Variants in PCDHGA5 observed in about 807,000 individuals in gnomAD.
PCDHGA5 encodes protocadherin gamma subfamily A, 5, also known as protocadherin gamma-A5.
A neutral mutation model predicts 56.7 loss-of-function variants in PCDHGA5; 36 were observed. That is an observed-to-expected ratio of 0.64 (90% CI 0.49 to 0.84). The LOEUF is 0.84. Among genes scored for constraint, PCDHGA5 ranks in the 40% least tolerant of loss-of-function variants. The probability of loss-of-function intolerance (pLI) is 0.00; values close to 1 mark genes in which losing one functional copy is unlikely to be tolerated. For synonymous variants in PCDHGA5, 563 were observed against 520.2 expected, an observed-to-expected ratio of 1.08 and a Z score of -1.12; for missense variants, 1,305 against 1,201.5, an observed-to-expected ratio of 1.09 and a Z score of -1.27.
At chr5:141,398,223 G>C (rs995722310) in intron 1 of PCDHGA5, 1 of 1,482,728 alleles carries the variant, frequency 6.7e-7, no homozygotes, top group South Asian at 1.3e-5. Context: ...TCTGTGAGCA[G>C]ATCCGCTACA....
rs766474451 is a variant in PCDHGA5 at position 141,477,676 on chromosome 5, AT to A, written c.2422-17130del. On this transcript the variant is annotated intron_variant, in intron 1 of 3. Coordinates refer to ENST00000518069, the MANE Select transcript of PCDHGA5 (RefSeq NM_018918.3). This position sits in a 1 kb window ranked among gnomAD's most constrained non-coding sequence, Gnocchi z 4.9. ...TAAATCGTGACAATGGCATAGTGTCATCCTTAGTGCCCCTAGACTATGAGGA... is the reference window on the plus strand; with the variant it reads ...TAAATCGTGACAATGGCATAGTGTCACCTTAGTGCCCCTAGACTATGAGGA... 6.2e-7 allele frequency: 1 copy of A among 1,614,194 alleles called. No homozygotes were observed. The highest frequency in any genetic ancestry group is 2.2e-5 in the East Asian group (1 of 44,886).
At chr5:141,428,129 C>G (rs1449809875) in intron 1 of PCDHGA5, 1 of 1,603,218 alleles carries the variant, frequency 6.2e-7, no homozygotes, top group Non-Finnish European at 8.5e-7. Context: ...CCGGGCTTTT[C>G]AGCCTGGGGC....
intron 1 of PCDHGA5, chr5:141,388,690 A>T: frequency 6.2e-7 from 1 of 1,614,030 alleles, no homozygotes; most frequent in Middle Eastern, 1.6e-4. Context: ...GCCACGGACC[A>T]GGATGAGGGT....
intron 1 of PCDHGA5, among the ~76,000 whole-genome samples, chr5:141,443,122 A>C (rs1239492679): frequency 6.6e-6 from 1 of 152,138 alleles, no homozygotes; most frequent in East Asian, 1.9e-4. Flanking sequence ...TTCAAACCAG[A>C]TTAAGAACAC....
chr5:141,404,741 G>C, intron 1 of PCDHGA5: 1 of 1,614,072 alleles, frequency 6.2e-7, no homozygotes, highest in South Asian at 1.1e-5. Context: ...AGTGGACAGA[G>C]ACTCAGGCCA....
chr5:141,410,201 A>G, intron 1 of PCDHGA5: 3 of 1,613,988 alleles, frequency 1.9e-6, no homozygotes, highest in Non-Finnish European at 2.5e-6. Context: ...CTTCGCAGAC[A>G]ACTTGCAAGA....
Position 141,376,227 on chromosome 5 carries a change from G to T in PCDHGA5, c.2421+9476G>T, listed in dbSNP as rs1210093854. On this transcript the variant is annotated intron_variant, in intron 1 of 3. Coordinates refer to ENST00000518069, the MANE Select transcript of PCDHGA5 (RefSeq NM_018918.3). ...TTCGTCATCGTGCTGCTGGCGCTCA[G>T]ACTGCAGCGCTGGCACAAGTCACGC... The T allele has an allele frequency of 4.3e-6, 7 of 1,614,216 alleles. No homozygotes were observed. The South Asian group carries it at 7.7e-5, about 18-fold the overall frequency.
Position 141,423,275 on chromosome 5 carries a change from C to T in PCDHGA5, c.2421+56524C>T. 1.2e-6 allele frequency: 2 copies of T among 1,614,012 alleles called. No homozygotes were observed. The highest frequency in any genetic ancestry group is 1.7e-6 in the Non-Finnish European group (2 of 1,179,970). ...GACCTCGGCAGCCTCGAGTCTCTGGCTAACTCTGAAACCTCAGACCTCTCG... is the reference window on the plus strand; with the variant it reads ...GACCTCGGCAGCCTCGAGTCTCTGGTTAACTCTGAAACCTCAGACCTCTCG... On this transcript the variant is annotated intron_variant, in intron 1 of 3. Transcript: ENST00000518069.
chr5:141,373,481 C>T (rs570555683), intron 1 of PCDHGA5, among the ~76,000 whole-genome samples: 13 of 152,328 alleles, frequency 8.5e-5, no homozygotes, highest in Non-Finnish European at 1.8e-4. Context: ...TATAATTGTG[C>T]CCCTGCACTC....
rs1316631653 is a variant in PCDHGA5 at position 141,388,751 on chromosome 5, A to G, written c.2421+22000A>G. The G allele has an allele frequency of 4.3e-6, 7 of 1,613,980 alleles. No homozygotes were observed. In the Admixed American group the frequency reaches 5.0e-5, roughly 12 times the overall value. ...TCAGTGAAGCTAGCCAGATCACCCAATTTGACCTGAACTCTAACACCGGGG... is the reference window on the plus strand; with the variant it reads ...TCAGTGAAGCTAGCCAGATCACCCAGTTTGACCTGAACTCTAACACCGGGG... On this transcript the variant is annotated intron_variant, in intron 1 of 3. Coordinates refer to ENST00000518069, the MANE Select transcript of PCDHGA5 (RefSeq NM_018918.3).
At position 141,476,193 on chromosome 5, in the gene PCDHGA5, T is replaced by C. The variant is rs1224461188; in HGVS notation, c.2422-18614T>C. On this transcript the variant is annotated intron_variant, in intron 1 of 3. Coordinates refer to ENST00000518069, the MANE Select transcript of PCDHGA5 (RefSeq NM_018918.3). The surrounding 1 kb of genome is among the most constrained non-coding windows in gnomAD (Gnocchi z 7.6). The stretch of plus-strand genomic sequence containing the variant: ...GGAGTTTTGCTTCTGCTTGGTGCCT[T>C]GAACAAGGCTTCCACGGTCATTCAC... The C allele has an allele frequency of 6.2e-7, 1 of 1,613,812 alleles. No homozygotes were observed. Among genetic ancestry groups the C allele is most frequent in the South Asian group, 1.1e-5 (1 of 91,068 alleles).
At chr5:141,429,542 A>G (rs1484411621) in intron 1 of PCDHGA5, among the ~76,000 whole-genome samples, 3 of 152,188 alleles carry the variant, frequency 2.0e-5, no homozygotes, top group African/African-American at 7.2e-5. Context: ...AAATAAGAAC[A>G]TGGTAATGAT....
chr5:141,448,818 G>A (rs2098609016), intron 1 of PCDHGA5, among the ~76,000 whole-genome samples: 1 of 151,984 alleles, frequency 6.6e-6, no homozygotes, highest in Admixed American at 6.6e-5. Context: ...GATGGCGGGC[G>A]CCTGTAGTCC....
rs201006002 is a variant in PCDHGA5, at chr5:141,432,497, C to G, written c.2422-62310C>G. Reference sequence around the variant, plus strand: ...TTCCACTGGCGTGGAGCTGGCTCCCCGCTCCGCAGAGCCCGGCTACCTGGT... The same window carrying G: ...TTCCACTGGCGTGGAGCTGGCTCCCGGCTCCGCAGAGCCCGGCTACCTGGT... On this transcript the variant is annotated intron_variant, in intron 1 of 3. Transcript: ENST00000518069. This position sits in a 1 kb window ranked among gnomAD's most constrained non-coding sequence, Gnocchi z 6.0. The G allele has an allele frequency of 1.1e-5, 18 of 1,614,182 alleles. No homozygotes were observed. In the East Asian group the frequency reaches 4.0e-4, roughly 36 times the overall value.
chr5:141,372,280 C>T, intron 1 of PCDHGA5: 2 of 1,613,164 alleles, frequency 1.2e-6, no homozygotes, highest in Admixed American at 1.7e-5. Flanking sequence ...GTGCGCACGG[C>T]GCGTACCTTG....
rs1428910817 is a variant in PCDHGA5, at chr5:141,390,296, A to G, written c.2421+23545A>G. ...CTTCCCATCAGGTGAGTTTCCTTTA[A>G]GTATAATTTAATGCTCATTGCCTAC... On this transcript the variant is annotated intron_variant, in intron 1 of 3. Coordinates refer to ENST00000518069, the MANE Select transcript of PCDHGA5 (RefSeq NM_018918.3). 7 of 1,613,806 alleles carry G rather than the reference A, an allele frequency of 4.3e-6. No individual in the cohort carries two copies. The Admixed American group carries it at 1.2e-4, about 27-fold the overall frequency.
intron 1 of PCDHGA5, among the ~76,000 whole-genome samples, chr5:141,457,906 T>G (rs1272656638): frequency 6.7e-6 from 1 of 150,040 alleles, no homozygotes; most frequent in Admixed American, 6.6e-5. Flanking sequence ...AGACAAGGTG[T>G]GAGGCCAGTT....
chr5:141,415,657 G>C, intron 1 of PCDHGA5: 1 of 1,576,238 alleles, frequency 6.3e-7, no homozygotes, highest in Non-Finnish European at 8.6e-7. Context: ...AAAAAAGATT[G>C]GTTTTTACTT....
chr5:141,372,041 C>T (rs779511565), intron 1 of PCDHGA5: 1 of 1,613,492 alleles, frequency 6.2e-7, no homozygotes, highest in South Asian at 1.1e-5. Flanking sequence ...TGAGCCTGCG[C>T]GTGTTGGTGG....
Sources: allele counts gnomAD v4.1 joint callset (sites outside exome capture counted in the v4.1 genomes callset), GRCh38; gene constraint gnomAD v4.1.1; non-coding constraint Gnocchi (gnomAD v3.1); transcripts MANE v1.5; gene names NCBI Gene and HGNC (gene_info 2026-07-23, HGNC 2026-07-21).